The following TNFAIP8 variants were observed in gnomAD, a reference collection of about 807,000 sequenced individuals.
TNFAIP8 encodes TNF alpha induced protein 8.
In TNFAIP8, 7 loss-of-function variants were observed where a neutral mutation model predicts 13.3. The ratio of observed to expected loss-of-function variants is 0.52; its 90% CI spans 0.30 to 0.99. TNFAIP8 has a LOEUF of 0.99. Among genes scored for constraint, TNFAIP8 ranks in the 50% least tolerant of loss-of-function variants. The pLI is 0.07. For synonymous variants in TNFAIP8, 94 were observed against 87.6 expected, an observed-to-expected ratio of 1.07 and a Z score of -0.41; for missense variants, 258 against 236.9, an observed-to-expected ratio of 1.09 and a Z score of -0.58.
intron 1 of TNFAIP8, among the ~76,000 whole-genome samples, chr5:119,381,283 G>A (rs551949359): frequency 3.2e-4 from 48 of 152,324 alleles, no homozygotes; most frequent in South Asian, 8.3e-4. Flanking sequence ...GTTCACGCTT[G>A]TAATCCCAGC....
At chr5:119,343,396 C>A (rs1750804448) in intron 1 of TNFAIP8, among the ~76,000 whole-genome samples, 2 of 152,102 alleles carry the variant, frequency 1.3e-5, no homozygotes, top group African/African-American at 4.8e-5. Flanking sequence ...AAATTACTAA[C>A]CTCGGTTCTG....
At chr5:119,285,811 G>T (rs1748761244) in intron 1 of TNFAIP8, among the ~76,000 whole-genome samples, 1 of 152,130 alleles carries the variant, frequency 6.6e-6, no homozygotes, top group African/African-American at 2.4e-5. Context: ...ATACATGAGG[G>T]TGCTTCCTTG....
Position 119,269,271 on chromosome 5 carries a change from A to T in TNFAIP8, c.1+364A>T, listed in dbSNP as rs10063389. Among the ~76,000 whole-genome samples the T allele has an allele frequency of 4.5e-3, 690 of 152,264 alleles. 5 individuals are homozygous for T. Among genetic ancestry groups the T allele is most frequent in the Admixed American group, 7.6e-3 (117 of 15,296 alleles). On this transcript the variant is annotated intron_variant, in intron 1 of 1. Transcript: ENST00000274456. The stretch of plus-strand genomic sequence containing the variant: ...CCCGCTATTTGTCACGTCCTCCTGT[A>T]ACCGCACATACTGGCGAAAGCACTG...
chr5:119,394,824 C>T lies in TNFAIP8; in HGVS notation c.*1443C>T, dbSNP rs1753036816. ...GTTTCACCATGTTGCCCAGGCTGGT[C>T]TTGAACTCCTGACTTCAAATGATCT... On this transcript the variant is annotated 3_prime_UTR_variant, in exon 2 of 2. Coordinates refer to ENST00000504771, the MANE Select transcript of TNFAIP8 (RefSeq NM_014350.4). 6.6e-6 allele frequency: 1 copy of T among 152,124 alleles called. No homozygotes were observed. The highest frequency in any genetic ancestry group is 2.1e-4 in the South Asian group (1 of 4,828). The allele number at this position is 152,124 out of a possible 1,614,324, so 9.4% of individuals were successfully genotyped here. A position where few individuals can be genotyped will look rare whatever the true frequency, so the allele number is the denominator to read the frequency against.
At chr5:119,338,963 C>G (rs1171185783) in intron 1 of TNFAIP8, among the ~76,000 whole-genome samples, 2 of 151,972 alleles carry the variant, frequency 1.3e-5, no homozygotes, top group East Asian at 1.9e-4. Flanking sequence ...GGGAGGATGT[C>G]TTGAGCCCAG....
At chr5:119,279,307 C>G (rs1748559970) in intron 1 of TNFAIP8, among the ~76,000 whole-genome samples, 2 of 152,216 alleles carry the variant, frequency 1.3e-5, no homozygotes, top group South Asian at 4.1e-4. Flanking sequence ...CACAAACACC[C>G]TCTTTTTCTG....
chr5:119,373,289 AAG>A lies in TNFAIP8; in HGVS notation c.31+17175_31+17176del, dbSNP rs914686676. The stretch of plus-strand genomic sequence containing the variant: ...TAAAATTACTCTTACCCCAAAATGT[AAG>A]AGAGAGTGAAGAGATGCAGATATTT... On this transcript the variant is annotated intron_variant, in intron 1 of 1. Transcript: ENST00000504771. Among the ~76,000 whole-genome samples the A allele has an allele frequency of 3.3e-5, 5 of 152,256 alleles. 1 individual carries two copies. Among genetic ancestry groups the A allele is most frequent in the African/African-American group, 1.2e-4 (5 of 41,468 alleles).
chr5:119,273,789 G>C (rs1333968368), intron 1 of TNFAIP8, among the ~76,000 whole-genome samples: 2 of 152,124 alleles, frequency 1.3e-5, no homozygotes, highest in Admixed American at 6.5e-5. Flanking sequence ...CCCAGGGCAG[G>C]GACCGCATCT....
At chr5:119,321,051 C>T (rs1397667818) in intron 1 of TNFAIP8, among the ~76,000 whole-genome samples, 6 of 152,166 alleles carry the variant, frequency 3.9e-5, no homozygotes. Context: ...CCCGTCTCTA[C>T]TAAAAACACA....
intron 1 of TNFAIP8, among the ~76,000 whole-genome samples, chr5:119,316,557 T>C (rs1438816518): frequency 6.6e-6 from 1 of 152,174 alleles, no homozygotes. Flanking sequence ...TGAGTTGGGT[T>C]AAATTGATTA....
chr5:119,299,950 A>G (rs1182214387), intron 1 of TNFAIP8, among the ~76,000 whole-genome samples: 3 of 152,198 alleles, frequency 2.0e-5, no homozygotes, highest in Non-Finnish European at 4.4e-5. Context: ...ACCGTTTTTT[A>G]GGCCCGTCGG....
chr5:119,365,267 G>C (rs10069480), intron 1 of TNFAIP8, among the ~76,000 whole-genome samples: 25,286 of 152,008 alleles, frequency 0.17, 4,272 homozygotes, highest in African/African-American at 0.44. Flanking sequence ...TCTGCCAGGG[G>C]TACCCTAGAT....
At chr5:119,323,103 G>A (rs7722866) in intron 1 of TNFAIP8, among the ~76,000 whole-genome samples, 6,878 of 152,094 alleles carry the variant, frequency 0.045, 508 homozygotes, top group African/African-American at 0.16. Context: ...ACTGTGCACT[G>A]CCACCAACTA....
At position 119,333,343 on chromosome 5, in the gene TNFAIP8, C is replaced by T. The variant is rs186267590; in HGVS notation, c.2-59473C>T. ...ACCTAATGCATTCCACTACAAGTGA[C>T]GAAACCTAGCTCCCAGAATAACAAG... On this transcript the variant is annotated intron_variant, in intron 1 of 1. Coordinates refer to the TNFAIP8 transcript ENST00000274456. 126 of 1,280,434 alleles carry T rather than the reference C, an allele frequency of 9.8e-5. No homozygotes were observed. In the African/African-American group the frequency reaches 1.4e-3, roughly 14 times the overall value. 79.3% of individuals were successfully genotyped at this position (1,280,434 alleles called of 1,614,324 possible).
chr5:119,337,842 C>T (rs1439939586), intron 1 of TNFAIP8, among the ~76,000 whole-genome samples: 1 of 152,164 alleles, frequency 6.6e-6, no homozygotes, highest in African/African-American at 2.4e-5. Flanking sequence ...ACTGATTTCC[C>T]CAGCTTCCAG....
At chr5:119,392,130 C>T (rs957530364) in intron 1 of TNFAIP8, among the ~76,000 whole-genome samples, 1 of 152,234 alleles carries the variant, frequency 6.6e-6, no homozygotes, top group Non-Finnish European at 1.5e-5. Flanking sequence ...CTCCAAGGAG[C>T]ACTTCTTTTC....
Position 119,398,976 on chromosome 5 carries a change from G to A in TNFAIP8, c.*5595G>A, listed in dbSNP as rs1753135660. The A allele has an allele frequency of 6.6e-6, 1 of 152,182 alleles. No individual in the cohort carries two copies. The highest frequency in any genetic ancestry group is 2.4e-5 in the African/African-American group (1 of 41,440). The allele number at this position is 152,182 out of a possible 1,614,324, so 9.4% of individuals were successfully genotyped here. ...TCACTAAAGGATAAATACCTGCTAAGCAAATTATAAAATACTATAAGACAT... is the reference window on the plus strand; with the variant it reads ...TCACTAAAGGATAAATACCTGCTAAACAAATTATAAAATACTATAAGACAT... On this transcript the variant is annotated 3_prime_UTR_variant, in exon 2 of 2. Coordinates refer to ENST00000504771, the MANE Select transcript of TNFAIP8 (RefSeq NM_014350.4).
intron 1 of TNFAIP8, chr5:119,269,037 G>T: frequency 1.7e-6 from 1 of 592,360 alleles, no homozygotes. Flanking sequence ...GTGAGTGTGA[G>T]TGGGTGCGTT....
At position 119,385,699 on chromosome 5, in the gene TNFAIP8, A is replaced by G. The variant is rs536408734; in HGVS notation, c.32-7117A>G. Among the ~76,000 whole-genome samples, 38 of 152,346 alleles carry G rather than the reference A, an allele frequency of 2.5e-4. No individual in the cohort carries two copies. The South Asian group carries it at 7.7e-3, about 31-fold the overall frequency. Reference sequence around the variant, plus strand: ...GATGTAACTCCTTATTAGCTGAACTATGTGAGGTCTCCGTTTTCACCCAGC... The same window carrying G: ...GATGTAACTCCTTATTAGCTGAACTGTGTGAGGTCTCCGTTTTCACCCAGC... On this transcript the variant is annotated intron_variant, in intron 1 of 1. Coordinates refer to ENST00000504771, the MANE Select transcript of TNFAIP8 (RefSeq NM_014350.4).
Sources: gnomAD v4.1 joint callset for allele counts (sites outside exome capture counted in the v4.1 genomes callset) on GRCh38, gnomAD v4.1.1 for gene constraint, MANE v1.5 for transcripts, NCBI Gene and HGNC (gene_info 2026-07-23, HGNC 2026-07-21) for gene names.